The following LAMA4 variants were observed in gnomAD, a reference collection of about 807,000 sequenced individuals.
LAMA4 encodes the protein laminin subunit alpha-4.
LAMA4 carries 127 observed loss-of-function variants against 207.1 expected under a neutral mutation model. The observed-to-expected ratio is 0.61, with a 90% CI of 0.53 to 0.71. LAMA4 has a LOEUF of 0.71. Among genes scored for constraint, LAMA4 ranks in the 30% least tolerant of loss-of-function variants. The pLI, the probability that LAMA4 is intolerant of heterozygous loss-of-function variation, is 0.00. For missense variants in LAMA4, 2,093 were observed against 2,246.5 expected (o/e 0.93, Z 1.38); for synonymous variants, 761 against 816.0 (o/e 0.93, Z 1.15).
intron 3 of LAMA4, among the ~76,000 whole-genome samples, chr6:112,212,334 A>C (rs1165286410): frequency 2.0e-5 from 3 of 150,850 alleles, no homozygotes; most frequent in Non-Finnish European, 4.4e-5. Context: ...AGTGATTCTC[A>C]TGCCTCAGCT....
intron 13 of LAMA4, chr6:112,159,144 A>G (rs1780901984): frequency 2.2e-6 from 1 of 444,902 alleles, no homozygotes; most frequent in East Asian, 4.6e-5. Flanking sequence ...AAACTAAACT[A>G]AAACCTTCAA....
chr6:112,148,075 A>T, intron 18 of LAMA4, 82 bp downstream of exon 18: 1 of 1,392,780 alleles, frequency 7.2e-7, no homozygotes, highest in African/African-American at 1.4e-5. Flanking sequence ...AAATGAAGAA[A>T]ACTGTTTTTT....
At chr6:112,187,340 T>G in intron 8 of LAMA4, 110 bp downstream of exon 8, 2 of 1,253,214 alleles carry the variant, frequency 1.6e-6, no homozygotes, top group Non-Finnish European at 2.3e-6. Flanking sequence ...TCTAACAACC[T>G]GTAATACAGG....
intron 13 of LAMA4, chr6:112,159,312 C>T (rs1254496560): frequency 1.3e-5 from 2 of 157,876 alleles, no homozygotes; most frequent in African/African-American, 6.5e-5. Flanking sequence ...TACTCCATTA[C>T]TCTACCAAAA....
chr6:112,122,118 G>T lies in LAMA4; in HGVS notation c.4371C>A (p.Cys1457Ter), dbSNP rs782012646. 3 of 1,613,790 alleles carry T rather than the reference G, an allele frequency of 1.9e-6. No individual in the cohort carries two copies. The East Asian group carries it at 6.7e-5, about 36-fold the overall frequency. ...TTGCTCTAGGGCTGTTGGAAAGGTGGCAATGAGAGTTTCTTGGAGTATTCC... is the reference window on the plus strand; with the variant it reads ...TTGCTCTAGGGCTGTTGGAAAGGTGTCAATGAGAGTTTCTTGGAGTATTCC... ...PERNTPRNSH[C>*]HLSNSPRAIE... is the part of the protein sequence containing the mutation. Residue 1457 changes from cysteine to a stop codon, truncating the protein, a stop_gained, in exon 32 of 39, where the codon TGC (cysteine) becomes TGA (stop). Transcript: ENST00000230538. LOFTEE classifies it high-confidence loss of function.
intron 5 of LAMA4, among the ~76,000 whole-genome samples, chr6:112,192,222 A>C (rs782327128): frequency 2.0e-4 from 30 of 152,226 alleles, no homozygotes; most frequent in Non-Finnish European, 4.1e-4. Flanking sequence ...GAAATGTCCT[A>C]GCCACAACGT....
Position 112,119,300 on chromosome 6 carries a change from A to G in LAMA4, c.4677T>C (p.Ile1559=). The change falls in exon 34 of 39, where the codon ATT becomes ATC. Residue 1559 remains isoleucine (I), a synonymous_variant. Coordinates refer to ENST00000230538, the MANE Select transcript of LAMA4 (RefSeq NM_001105206.3). ...CCAGTCGGCCACTGCTCCTTTCTCGAATAAATATCACCTGGATGAAGAGAA... is the reference window on the plus strand; with the variant it reads ...CCAGTCGGCCACTGCTCCTTTCTCGGATAAATATCACCTGGATGAAGAGAA... The part of the protein sequence containing the change: ...NDGLWHDVIF[I]RERSSGRLVI... 1 of 1,613,918 alleles carries G rather than the reference A, an allele frequency of 6.2e-7. No individual in the cohort carries two copies. The highest frequency in any genetic ancestry group is 1.1e-5 in the South Asian group (1 of 91,082).
At chr6:112,226,462 C>T (rs1785219118) in intron 2 of LAMA4, among the ~76,000 whole-genome samples, 1 of 152,204 alleles carries the variant, frequency 6.6e-6, no homozygotes, top group Non-Finnish European at 1.5e-5. Context: ...TTCCCTACTT[C>T]ATCTCACCTG....
intron 15 of LAMA4, 91 bp downstream of exon 15, chr6:112,155,474 G>GA (rs1780652795): frequency 7.0e-7 from 1 of 1,424,642 alleles, no homozygotes; most frequent in Non-Finnish European, 9.9e-7. Flanking sequence ...CTGCCATTTG[G>GA]ATTTCACACT....
chr6:112,111,964 A>G (rs1202497123), intron 38 of LAMA4, among the ~76,000 whole-genome samples: 1 of 152,002 alleles, frequency 6.6e-6, no homozygotes, highest in Non-Finnish European at 1.5e-5. Context: ...TGGCATAGTG[A>G]AGGACAAATA....
Position 112,142,292 on chromosome 6 carries a change from T to A in LAMA4, c.2494A>T (p.Ile832Phe). The part of the protein sequence containing the change: ...IAQTRSVASK[I>F]QVSMMFDGQS... ...CCATCAAACATCATGGAGACTTGGA[T>A]CTGGAGTGACACAACGGTTTCATTA... Residue 832 changes from isoleucine (I) to phenylalanine (F), a missense_variant and splice_region_variant, in exon 20 of 39, where the codon ATC becomes TTC. Ile to Phe is a conservative substitution (Grantham distance 21). Coordinates refer to ENST00000230538, the MANE Select transcript of LAMA4 (RefSeq NM_001105206.3). The A allele has an allele frequency of 6.2e-7, 1 of 1,614,034 alleles. No homozygotes were observed. The highest frequency in any genetic ancestry group is 8.5e-7 in the Non-Finnish European group (1 of 1,179,972).
At position 112,114,091 on chromosome 6, in the gene LAMA4, C is replaced by A. The variant is rs1777865215; in HGVS notation, c.5311G>T (p.Val1771Phe). ...CAACACTTACCTGGAACACCTCCAA[C>A]AAACACAGGCTCCCTGTGATCAATT... ...KPIDHREPVF[V>F]GGVPESLLTP... The change falls in exon 38 of 39, where the codon GTT (valine) becomes TTT (phenylalanine). Residue 1771 changes from valine (V) to phenylalanine (F), a missense_variant. This residue lies in a region of LAMA4 where 383 missense variants were observed against 437.8 expected (regional missense o/e 0.87). Transcript: ENST00000230538. 1 of 1,613,826 alleles carries A rather than the reference C, an allele frequency of 6.2e-7. No individual in the cohort carries two copies. Among genetic ancestry groups the A allele is most frequent in the African/African-American group, 1.3e-5 (1 of 74,916 alleles).
At chr6:112,185,850 T>A (rs1350087251) in intron 8 of LAMA4, among the ~76,000 whole-genome samples, 1 of 152,186 alleles carries the variant, frequency 6.6e-6, no homozygotes, top group Non-Finnish European at 1.5e-5. Flanking sequence ...CTGAGATTAC[T>A]TGGGAGTGAG....
chr6:112,187,083 A>G (rs1190344778), intron 8 of LAMA4, among the ~76,000 whole-genome samples: 2 of 152,242 alleles, frequency 1.3e-5, no homozygotes, highest in Non-Finnish European at 2.9e-5. Context: ...AAGGCTAAGG[A>G]AATGGTAGCC....
intron 25 of LAMA4, chr6:112,135,909 T>C (rs1451155165): frequency 2.0e-6 from 1 of 491,548 alleles, no homozygotes; most frequent in Non-Finnish European, 3.7e-6. Context: ...TCAGTGACTT[T>C]TAAATTGGAA....
intron 32 of LAMA4, among the ~76,000 whole-genome samples, chr6:112,120,887 C>T (rs1200441438): frequency 6.6e-6 from 1 of 151,784 alleles, no homozygotes; most frequent in Non-Finnish European, 1.5e-5. Flanking sequence ...GCTTGGGCAA[C>T]ATAGTGGAAC....
intron 16 of LAMA4, chr6:112,154,648 T>C (rs1780593703): frequency 3.4e-6 from 2 of 583,364 alleles, no homozygotes; most frequent in Non-Finnish European, 3.0e-6. Context: ...TGTAGTTTAC[T>C]ACATAGCATT....
At chr6:112,253,439 A>T (rs1013147674) in intron 2 of LAMA4, 2 of 345,460 alleles carry the variant, frequency 5.8e-6, no homozygotes, top group Non-Finnish European at 1.1e-5. Flanking sequence ...CCCTCTCAGC[A>T]GTTGTCTAAC....
At chr6:112,190,931 CTTTCTTTCTTT>C (rs1349706970) in intron 6 of LAMA4, among the ~76,000 whole-genome samples, 3 of 79,344 alleles carry the variant, frequency 3.8e-5, no homozygotes, top group African/African-American at 5.5e-5. Flanking sequence ...TTCTTTCTTT[CTTTCTTTCTTT>C]CTTTCCTTTC....
Sources: gnomAD v4.1 joint callset for allele counts (sites outside exome capture counted in the v4.1 genomes callset) on GRCh38, gnomAD v4.1.1 for gene constraint, gnomAD v4.1.1 regional missense constraint, MANE v1.5 for transcripts, NCBI Gene and HGNC (gene_info 2026-07-23, HGNC 2026-07-21) for gene names.